PPM1L: variants seen among roughly 807,000 people sequenced by gnomAD.
The protein encoded by PPM1L is protein phosphatase, Mg2+/Mn2+ dependent 1L, also known as protein phosphatase 1L.
PPM1L carries 13 observed loss-of-function variants against 31.4 expected under a neutral mutation model. The ratio of observed to expected loss-of-function variants is 0.41; its 90% CI spans 0.27 to 0.66. The LOEUF is 0.66. Among genes scored for constraint, PPM1L ranks in the 30% least tolerant of loss-of-function variants. The probability of loss-of-function intolerance (pLI) is 0.29; values close to 1 mark genes in which losing one functional copy is unlikely to be tolerated. For synonymous variants in PPM1L, 184 were observed against 175.4 expected (o/e 1.05, Z -0.39); for missense variants, 326 against 453.7 (o/e 0.72, Z 2.56).
intron 1 of PPM1L, among the ~76,000 whole-genome samples, chr3:160,903,303 T>C (rs937680023): frequency 1.3e-5 from 2 of 151,788 alleles, no homozygotes; most frequent in African/African-American, 2.4e-5. Flanking sequence ...GATCAAATTC[T>C]GTGGGGCAGG....
At chr3:160,849,372 C>T (rs1365419369) in intron 1 of PPM1L, among the ~76,000 whole-genome samples, 1 of 152,086 alleles carries the variant, frequency 6.6e-6, no homozygotes, top group Non-Finnish European at 1.5e-5. Context: ...AGGACTCTGG[C>T]ATGGCCAGGA....
At chr3:160,957,577 CT>C (rs35644904) in intron 1 of PPM1L, among the ~76,000 whole-genome samples, 1,988 of 129,186 alleles carry the variant, frequency 0.015, 32 homozygotes, top group African/African-American at 0.052. Flanking sequence ...TATTATTTGA[CT>C]TTTTTTTTTT....
intron 2 of PPM1L, among the ~76,000 whole-genome samples, chr3:161,003,994 ATTATT>A (rs1207973500): frequency 1.3e-5 from 2 of 148,622 alleles, no homozygotes; most frequent in Non-Finnish European, 3.0e-5. Flanking sequence ...GATAGCTCTT[ATTATT>A]TTGAGATACG....
At chr3:160,901,635 G>A (rs1028889838) in intron 1 of PPM1L, among the ~76,000 whole-genome samples, 3 of 152,190 alleles carry the variant, frequency 2.0e-5, no homozygotes, top group East Asian at 1.9e-4. Context: ...AGGACCCTGC[G>A]CATAGGTCAC....
chr3:160,932,002 T>TC (rs1223180942), intron 1 of PPM1L, among the ~76,000 whole-genome samples: 3 of 151,830 alleles, frequency 2.0e-5, no homozygotes, highest in East Asian at 3.8e-4. Flanking sequence ...GTTTTTTTGC[T>TC]CTTTCTCATT....
intron 1 of PPM1L, among the ~76,000 whole-genome samples, chr3:160,937,216 A>C (rs564507411): frequency 4.6e-5 from 7 of 152,360 alleles, no homozygotes; most frequent in Non-Finnish European, 8.8e-5. Flanking sequence ...TATTCTAATA[A>C]AATACGTTTC....
chr3:160,835,819 A>G (rs1264821805), intron 1 of PPM1L, among the ~76,000 whole-genome samples: 1 of 152,182 alleles, frequency 6.6e-6, no homozygotes, highest in Non-Finnish European at 1.5e-5. Context: ...GTTCTATAGT[A>G]TCTTTCCAAA....
intron 1 of PPM1L, among the ~76,000 whole-genome samples, chr3:160,931,983 C>T (rs1264705945): frequency 7.9e-6 from 1 of 126,388 alleles, no homozygotes; most frequent in Non-Finnish European, 2.0e-5. Flanking sequence ...GCAGAGGAGT[C>T]ATTCTTTTGT....
At chr3:160,806,768 A>G (rs115468323) in intron 1 of PPM1L, among the ~76,000 whole-genome samples, 3,243 of 150,986 alleles carry the variant, frequency 0.021, 105 homozygotes, top group African/African-American at 0.074. Context: ...AAAGAAAGAA[A>G]GAGAGAGAGA....
At chr3:161,029,406 A>G (rs898096085) in intron 2 of PPM1L, among the ~76,000 whole-genome samples, 3 of 152,224 alleles carry the variant, frequency 2.0e-5, no homozygotes, top group African/African-American at 7.2e-5. Flanking sequence ...ATGATGCCAG[A>G]ATGGAATTGG....
intron 1 of PPM1L, among the ~76,000 whole-genome samples, chr3:160,958,777 G>A (rs1226626275): frequency 6.6e-6 from 1 of 152,184 alleles, no homozygotes; most frequent in Non-Finnish European, 1.5e-5. Context: ...AAAACGTGTT[G>A]TGTTACCTTT....
intron 2 of PPM1L, among the ~76,000 whole-genome samples, chr3:160,980,055 G>A (rs559793662): frequency 6.6e-6 from 1 of 152,084 alleles, no homozygotes; most frequent in South Asian, 2.1e-4. Context: ...AGATTCCAGG[G>A]TAGGGCTGGC....
chr3:160,835,994 T>C (rs1713703009), intron 1 of PPM1L, among the ~76,000 whole-genome samples: 1 of 152,096 alleles, frequency 6.6e-6, no homozygotes. Context: ...TTCTCTGTTC[T>C]GGCCAGAAAT....
chr3:160,913,105 A>C (rs573121898), intron 1 of PPM1L, among the ~76,000 whole-genome samples: 2 of 152,268 alleles, frequency 1.3e-5, no homozygotes, highest in East Asian at 3.9e-4. Flanking sequence ...AAAATAGATG[A>C]GGTGTTCCTG....
At chr3:160,934,125 A>G (rs1025720057) in intron 1 of PPM1L, among the ~76,000 whole-genome samples, 6 of 152,218 alleles carry the variant, frequency 3.9e-5, no homozygotes, top group African/African-American at 1.4e-4. Context: ...TCAATTTTTT[A>G]AAAAGTGGCA....
chr3:161,053,286 G>C (rs1165383549), intron 2 of PPM1L, among the ~76,000 whole-genome samples: 1 of 152,188 alleles, frequency 6.6e-6, no homozygotes, highest in Admixed American at 6.5e-5. Context: ...GATCAGAAAA[G>C]CTTGTCTGCT....
intron 2 of PPM1L, among the ~76,000 whole-genome samples, chr3:161,052,007 G>A (rs1719294846): frequency 6.6e-6 from 1 of 152,110 alleles, no homozygotes; most frequent in African/African-American, 2.4e-5. Flanking sequence ...CATCTGCGGG[G>A]GCGACCCAGA....
At chr3:160,795,595 G>A (rs1712223813) in intron 1 of PPM1L, among the ~76,000 whole-genome samples, 1 of 152,168 alleles carries the variant, frequency 6.6e-6, no homozygotes, top group Non-Finnish European at 1.5e-5. Context: ...TGTAAAATGG[G>A]AGACTTTATG....
At chr3:160,957,273 T>G (rs978734142) in intron 1 of PPM1L, among the ~76,000 whole-genome samples, 3 of 152,242 alleles carry the variant, frequency 2.0e-5, no homozygotes, top group Admixed American at 6.5e-5. Flanking sequence ...ATGGTGAATG[T>G]GTACTACATT....
Sources: allele counts gnomAD v4.1 joint callset (sites outside exome capture counted in the v4.1 genomes callset), GRCh38; gene constraint gnomAD v4.1.1; transcripts MANE v1.5; gene names NCBI Gene and HGNC (gene_info 2026-07-23, HGNC 2026-07-21).